The following CDC25A variants were observed in gnomAD, a reference collection of about 807,000 sequenced individuals.
CDC25A encodes the protein M-phase inducer phosphatase 1.
In CDC25A, 17 loss-of-function variants were observed where a neutral mutation model predicts 64.6. The observed-to-expected ratio is 0.26, with a 90% CI of 0.18 to 0.39. The LOEUF is 0.39. CDC25A is among the 10% of genes least tolerant of loss of function. CDC25A has a pLI of 1.00. For synonymous variants in CDC25A, 229 were observed against 238.6 expected (o/e 0.96, Z 0.37); for missense variants, 473 against 654.8 (o/e 0.72, Z 3.03).
At chr3:48,171,626 G>A (rs1238759080) in intron 9 of CDC25A, among the ~76,000 whole-genome samples, 1 of 151,830 alleles carries the variant, frequency 6.6e-6, no homozygotes, top group Non-Finnish European at 1.5e-5. Flanking sequence ...TGATCCACCC[G>A]CCTTGTCCTC....
intron 8 of CDC25A, 34 bp downstream of exon 8, chr3:48,177,337 C>G (rs772880657): frequency 3.2e-6 from 5 of 1,546,394 alleles, no homozygotes; most frequent in Non-Finnish European, 4.5e-6. Context: ...CCCAATCACG[C>G]AGGGCTTCCT....
chr3:48,157,294 C>G lies in CDC25A; in HGVS notation c.*1651G>C, dbSNP rs1397698281. Reference sequence around the variant, plus strand: ...TCTTTAGGCAGTCAACCAACAGAATCTCTTTCTTACAAACAATATCATTAA... The same window carrying G: ...TCTTTAGGCAGTCAACCAACAGAATGTCTTTCTTACAAACAATATCATTAA... On this transcript the variant is annotated 3_prime_UTR_variant, in exon 15 of 15. Transcript: ENST00000302506. 1 of 152,224 alleles carries G rather than the reference C, an allele frequency of 6.6e-6. No individual in the cohort carries two copies. The highest frequency in any genetic ancestry group is 2.4e-5 in the African/African-American group (1 of 41,442). 9.4% of individuals were successfully genotyped at this position (152,224 alleles called of 1,614,324 possible). A position where few individuals can be genotyped will look rare whatever the true frequency, so the allele number is the denominator to read the frequency against.
chr3:48,172,990 C>T (rs552447773), intron 9 of CDC25A, among the ~76,000 whole-genome samples: 7 of 152,174 alleles, frequency 4.6e-5, no homozygotes, highest in African/African-American at 1.4e-4. Context: ...GAGGCTGAGG[C>T]GGGCGGATCA....
chr3:48,168,154 T>C (rs572749265), intron 9 of CDC25A, among the ~76,000 whole-genome samples: 1 of 147,842 alleles, frequency 6.8e-6, no homozygotes, highest in South Asian at 2.2e-4. Context: ...ACCGAATTGC[T>C]CTGAAACTAA....
At chr3:48,187,197 C>T (rs746382717) in intron 1 of CDC25A, among the ~76,000 whole-genome samples, 1 of 152,128 alleles carries the variant, frequency 6.6e-6, no homozygotes, top group Non-Finnish European at 1.5e-5. Flanking sequence ...CGGGAAACAC[C>T]GTGGGATGCA....
At chr3:48,182,083 C>T (rs551983964) in intron 5 of CDC25A, among the ~76,000 whole-genome samples, 1 of 152,318 alleles carries the variant, frequency 6.6e-6, no homozygotes, top group African/African-American at 2.4e-5. Context: ...AACCAGGCAT[C>T]AGTACAGCTT....
At chr3:48,180,395 AAAAAAAAG>A (rs796660350) in intron 6 of CDC25A, 44 of 183,496 alleles carry the variant, frequency 2.4e-4, no homozygotes, top group East Asian at 2.3e-3. Context: ...CCCTTAAAAA[AAAAAAAAG>A]AAAAAAAGAA....
chr3:48,188,142 G>C lies in CDC25A; in HGVS notation c.-195C>G, dbSNP rs1338525531. On this transcript the variant is annotated 5_prime_UTR_variant, in exon 1 of 15. Coordinates refer to ENST00000302506, the MANE Select transcript of CDC25A (RefSeq NM_001789.3). The stretch of plus-strand genomic sequence containing the variant: ...GGGCGGGTGTGCGGACCCTCCAGGC[G>C]CCAGCCACCAGCCACAGGCACGGGT... 1 of 379,880 alleles carries C rather than the reference G, an allele frequency of 2.6e-6. No individual in the cohort carries two copies. 23.5% of individuals were successfully genotyped at this position (379,880 alleles called of 1,614,324 possible). A position where few individuals can be genotyped will look rare whatever the true frequency, so the allele number is the denominator to read the frequency against.
chr3:48,186,898 C>CTTGTGGTGTGGCCT, intron 1 of CDC25A, 119 bp from the exon 2 acceptor site: 1 of 663,926 alleles, frequency 1.5e-6, no homozygotes, highest in African/African-American at 1.8e-5. Context: ...TTCTAGGCCA[C>CTTGTGGTGTGGCCT]ACCACAAGTG....
intron 9 of CDC25A, among the ~76,000 whole-genome samples, chr3:48,169,879 G>C (rs1310336972): frequency 1.3e-5 from 2 of 151,990 alleles, no homozygotes; most frequent in African/African-American, 4.8e-5. Context: ...CGTGGTGGTG[G>C]GCGCCTGTAG....
intron 13 of CDC25A, among the ~76,000 whole-genome samples, chr3:48,163,539 G>GGTT (rs1241407819): frequency 6.6e-6 from 1 of 152,124 alleles, no homozygotes; most frequent in Non-Finnish European, 1.5e-5. Context: ...GGGAGGCAGA[G>GGTT]GTTGCAGTGA....
intron 10 of CDC25A, among the ~76,000 whole-genome samples, chr3:48,167,032 A>G (rs2032054378): frequency 6.6e-6 from 1 of 152,040 alleles, no homozygotes. Flanking sequence ...GCCCAACCCC[A>G]GACGTTCCCC....
chr3:48,170,059 T>C (rs1030163513), intron 9 of CDC25A, among the ~76,000 whole-genome samples: 3 of 151,774 alleles, frequency 2.0e-5, no homozygotes, highest in Non-Finnish European at 2.9e-5. Context: ...CTGTATGATA[T>C]GTTTGTGTGA....
At chr3:48,183,987 T>C (rs1477296203) in intron 3 of CDC25A, 151 bp from the exon 4 acceptor site, 1 of 535,950 alleles carries the variant, frequency 1.9e-6, no homozygotes, top group South Asian at 2.9e-5. Context: ...TCTGAAGCTG[T>C]CCTGTTCTCA....
chr3:48,179,843 G>C (rs1411686911), intron 6 of CDC25A, among the ~76,000 whole-genome samples: 1 of 152,178 alleles, frequency 6.6e-6, no homozygotes, highest in Non-Finnish European at 1.5e-5. Context: ...CTGAACCTCA[G>C]AACACAAAGC....
At chr3:48,165,939 T>C in intron 10 of CDC25A, 46 bp from the exon 11 acceptor site, 1 of 1,216,902 alleles carries the variant, frequency 8.2e-7, no homozygotes, top group Non-Finnish European at 1.2e-6. Flanking sequence ...AGCCTATATA[T>C]TATTCACACT....
At chr3:48,164,694 C>G (rs1473649303) in intron 12 of CDC25A, among the ~76,000 whole-genome samples, 1 of 152,130 alleles carries the variant, frequency 6.6e-6, no homozygotes, top group Non-Finnish European at 1.5e-5. Flanking sequence ...GACAATGGTA[C>G]ACTTTATAGG....
chr3:48,168,480 T>C (rs1271967862), intron 9 of CDC25A, among the ~76,000 whole-genome samples: 1 of 151,038 alleles, frequency 6.6e-6, no homozygotes, highest in Non-Finnish European at 1.5e-5. Context: ...CACCTGAGCC[T>C]GGGGAGGTCG....
chr3:48,184,877 C>G (rs1414933482), intron 2 of CDC25A, among the ~76,000 whole-genome samples, 182 bp from the exon 3 acceptor site: 1 of 152,056 alleles, frequency 6.6e-6, no homozygotes, highest in African/African-American at 2.4e-5. Flanking sequence ...CATGTTTGTA[C>G]AAGTCTTAAT....
Sources: gnomAD v4.1 joint callset for allele counts (sites outside exome capture counted in the v4.1 genomes callset) on GRCh38, gnomAD v4.1.1 for gene constraint, MANE v1.5 for transcripts, NCBI Gene and HGNC (gene_info 2026-07-23, HGNC 2026-07-21) for gene names.